HTR1F: variants seen among roughly 807,000 people sequenced by gnomAD.
HTR1F encodes the protein 5-hydroxytryptamine receptor 1F.
In HTR1F, 17 loss-of-function variants were observed where a neutral mutation model predicts 24.0. The ratio of observed to expected loss-of-function variants is 0.71; its 90% CI spans 0.48 to 1.06. HTR1F has a LOEUF of 1.06. HTR1F is among the 50% of genes least tolerant of loss of function. The pLI, the probability that HTR1F is intolerant of heterozygous loss-of-function variation, is 0.00. For missense variants in HTR1F, 391 were observed against 427.8 expected, an observed-to-expected ratio of 0.91 and a Z score of 0.76; for synonymous variants, 186 against 156.8, an observed-to-expected ratio of 1.19 and a Z score of -1.39.
chr3:87,821,183 TA>T (rs1331959210), intron 1 of HTR1F, among the ~76,000 whole-genome samples: 1 of 152,346 alleles, frequency 6.6e-6, no homozygotes, highest in East Asian at 1.9e-4. Flanking sequence ...GTTTAGATTC[TA>T]AGATCCATAA....
chr3:87,924,147 T>C (rs528713769), intron 2 of HTR1F, among the ~76,000 whole-genome samples: 2 of 152,146 alleles, frequency 1.3e-5, no homozygotes, highest in South Asian at 4.1e-4. Flanking sequence ...TTGGAAGACT[T>C]TTTATTAATG....
At chr3:87,952,038 C>T (rs1704845403) in intron 2 of HTR1F, among the ~76,000 whole-genome samples, 1 of 151,930 alleles carries the variant, frequency 6.6e-6, no homozygotes, top group Non-Finnish European at 1.5e-5. Flanking sequence ...TGTCCATTGT[C>T]TGGATGTACC....
chr3:87,923,925 GT>G (rs1204714371), intron 2 of HTR1F, among the ~76,000 whole-genome samples: 2 of 151,964 alleles, frequency 1.3e-5, no homozygotes, highest in Non-Finnish European at 2.9e-5. Flanking sequence ...TTGCATCTCT[GT>G]TCATTGAGGA....
chr3:87,977,306 G>A (rs1419909326), intron 2 of HTR1F, among the ~76,000 whole-genome samples: 1 of 151,460 alleles, frequency 6.6e-6, no homozygotes, highest in African/African-American at 2.4e-5. Context: ...TAGAAGCCAG[G>A]TACCTAACAG....
At chr3:87,914,887 A>C (rs886627412) in intron 2 of HTR1F, among the ~76,000 whole-genome samples, 5 of 152,124 alleles carry the variant, frequency 3.3e-5, no homozygotes, top group African/African-American at 1.2e-4. Context: ...GAGGCCAGCC[A>C]GCACAAAAAT....
intron 2 of HTR1F, among the ~76,000 whole-genome samples, chr3:87,882,706 G>A (rs1333260534): frequency 2.2e-5 from 3 of 133,464 alleles, no homozygotes; most frequent in Non-Finnish European, 4.7e-5. Context: ...GGACTGTTGT[G>A]GGGTCGGGGG....
chr3:87,955,508 T>C (rs1005297679), intron 2 of HTR1F, among the ~76,000 whole-genome samples: 13 of 151,528 alleles, frequency 8.6e-5, no homozygotes, highest in Non-Finnish European at 1.3e-4. Flanking sequence ...CATTCATATA[T>C]AGGATATTTT....
intron 2 of HTR1F, among the ~76,000 whole-genome samples, chr3:87,946,848 A>G (rs988198127): frequency 6.6e-5 from 10 of 151,928 alleles, no homozygotes; most frequent in Admixed American, 2.6e-4. Flanking sequence ...GATGGTCTTG[A>G]TCTCCTGACC....
chr3:87,860,994 T>C (rs1705307120), intron 2 of HTR1F, among the ~76,000 whole-genome samples: 1 of 152,000 alleles, frequency 6.6e-6, no homozygotes, highest in South Asian at 2.1e-4. Context: ...CCATCTCTAC[T>C]AATAATACAA....
chr3:87,823,072 C>T (rs1704390512), intron 2 of HTR1F, among the ~76,000 whole-genome samples: 1 of 152,068 alleles, frequency 6.6e-6, no homozygotes, highest in Admixed American at 6.6e-5. Context: ...ATAGGATAGT[C>T]ACTTGTCATA....
intron 2 of HTR1F, among the ~76,000 whole-genome samples, chr3:87,986,549 C>T (rs1352527278): frequency 6.6e-6 from 1 of 152,152 alleles, no homozygotes; most frequent in African/African-American, 2.4e-5. Flanking sequence ...TTAGGGAAAT[C>T]CATTGAATTA....
chr3:87,874,990 G>T (rs1423620724), intron 2 of HTR1F, among the ~76,000 whole-genome samples: 1 of 152,102 alleles, frequency 6.6e-6, no homozygotes, highest in Non-Finnish European at 1.5e-5. Flanking sequence ...AACTTAAAAT[G>T]GATTAAAGAC....
At chr3:87,942,720 CCATGACT>C (rs1704599787) in intron 2 of HTR1F, among the ~76,000 whole-genome samples, 1 of 151,144 alleles carries the variant, frequency 6.6e-6, no homozygotes, top group African/African-American at 2.4e-5. Context: ...TGCCTGAGGG[CCATGACT>C]AAAGCGGTGG....
intron 2 of HTR1F, among the ~76,000 whole-genome samples, chr3:87,866,348 A>C (rs184166733): frequency 1.3e-5 from 2 of 152,340 alleles, no homozygotes; most frequent in African/African-American, 4.8e-5. Context: ...CTTTGGATTC[A>C]GAGTCCTGAT....
chr3:87,956,225 G>A (rs1328101310), intron 2 of HTR1F, among the ~76,000 whole-genome samples: 2 of 151,294 alleles, frequency 1.3e-5, no homozygotes, highest in Non-Finnish European at 3.0e-5. Flanking sequence ...TATCTGTAAA[G>A]AATTGATAAT....
intron 2 of HTR1F, among the ~76,000 whole-genome samples, chr3:87,940,595 A>G (rs1239645757): frequency 3.9e-5 from 6 of 152,196 alleles, no homozygotes; most frequent in African/African-American, 1.2e-4. Flanking sequence ...TCAAGCTACC[A>G]TTGACTTTCT....
intron 1 of HTR1F, among the ~76,000 whole-genome samples, chr3:87,815,924 A>T (rs1704241972): frequency 1.3e-5 from 2 of 152,128 alleles, no homozygotes; most frequent in Non-Finnish European, 2.9e-5. Context: ...AACAAAAGTT[A>T]TCTAGGCAAT....
At chr3:87,820,302 A>G (rs1345631621) in intron 1 of HTR1F, among the ~76,000 whole-genome samples, 6 of 148,666 alleles carry the variant, frequency 4.0e-5, no homozygotes, top group South Asian at 2.1e-4. Flanking sequence ...TCAGCCTCCC[A>G]AGTAGCTGGG....
At position 87,939,586 on chromosome 3, in the gene HTR1F, C is replaced by T. The variant is rs539369316; in HGVS notation, c.-42-51122C>T. Among the ~76,000 whole-genome samples, 210 of 152,256 alleles carry T rather than the reference C, an allele frequency of 1.4e-3. 1 individual carries two copies. Among genetic ancestry groups the T allele is most frequent in the African/African-American group, 4.8e-3 (199 of 41,544 alleles). On this transcript the variant is annotated intron_variant, in intron 2 of 2. Coordinates refer to ENST00000319595, the MANE Select transcript of HTR1F (RefSeq NM_001322209.2). The stretch of plus-strand genomic sequence containing the variant: ...GGTCTGTTCAGGATTCGACTTCTTC[C>T]TGCTTTGGTCTTGGGAGAGTGTACG...
Sources: allele counts gnomAD v4.1 joint callset (sites outside exome capture counted in the v4.1 genomes callset), GRCh38; gene constraint gnomAD v4.1.1; transcripts MANE v1.5; gene names NCBI Gene and HGNC (gene_info 2026-07-23, HGNC 2026-07-21).